Variants in MYT1L observed in about 807,000 individuals in gnomAD.
MYT1L encodes the protein myelin transcription factor 1-like protein.
Under a neutral mutation model 126.7 loss-of-function variants are expected in MYT1L, and 12 were observed. The ratio of observed to expected loss-of-function variants is 0.09; its 90% CI spans 0.06 to 0.15. MYT1L has a LOEUF of 0.15. Ranked by LOEUF, MYT1L falls within the 10% of genes least tolerant of loss-of-function variation. The pLI is 1.00. For missense variants in MYT1L, 979 were observed against 1,585.2 expected, an observed-to-expected ratio of 0.62 and a Z score of 6.49; for synonymous variants, 541 against 604.2, an observed-to-expected ratio of 0.90 and a Z score of 1.53.
chr2:1,858,919 G>A (rs1288664194), intron 18 of MYT1L, among the ~76,000 whole-genome samples: 2 of 152,206 alleles, frequency 1.3e-5, no homozygotes, highest in African/African-American at 2.4e-5. Context: ...CCTGCCCGGT[G>A]CCCTCTCCGA....
At chr2:2,005,296 GTTCTTTCCTGCGTGCC>G (rs1410571881) in intron 4 of MYT1L, among the ~76,000 whole-genome samples, 14 of 95,632 alleles carry the variant, frequency 1.5e-4, no homozygotes, top group East Asian at 1.4e-3. Context: ...TCCTGCAGGC[GTTCTTTCCTGCGTGCC>G]TTCTTTCCTG....
At chr2:2,266,789 C>T (rs894443254) in intron 2 of MYT1L, among the ~76,000 whole-genome samples, 6 of 152,132 alleles carry the variant, frequency 3.9e-5, no homozygotes, top group Non-Finnish European at 8.8e-5. Context: ...TGAGATCTCA[C>T]GGTTTTATAA....
At chr2:1,986,553 G>A (rs1334159167) in intron 5 of MYT1L, among the ~76,000 whole-genome samples, 3 of 152,224 alleles carry the variant, frequency 2.0e-5, no homozygotes, top group Non-Finnish European at 4.4e-5. Flanking sequence ...GGTAATCGAG[G>A]CAGTGGTGAT....
At chr2:1,867,041 G>T (rs2045666462) in intron 18 of MYT1L, among the ~76,000 whole-genome samples, 1 of 135,944 alleles carries the variant, frequency 7.4e-6, no homozygotes, top group Admixed American at 7.3e-5. Flanking sequence ...GAGAGGGGCA[G>T]CCAGGGAGAG....
chr2:1,965,983 A>G (rs4853816), intron 8 of MYT1L, among the ~76,000 whole-genome samples: 37,882 of 152,256 alleles, frequency 0.25, 5,610 homozygotes, highest in African/African-American at 0.42. Context: ...ACGACGCCCT[A>G]GGGCCTGCAC....
chr2:1,989,882 C>A (rs562728837), intron 5 of MYT1L, among the ~76,000 whole-genome samples: 26 of 152,234 alleles, frequency 1.7e-4, no homozygotes, highest in African/African-American at 6.3e-4. Flanking sequence ...TCTGTAATCC[C>A]AGCTACTCTG....
intron 4 of MYT1L, among the ~76,000 whole-genome samples, chr2:2,004,826 G>GAATA: frequency 6.7e-6 from 1 of 149,714 alleles, no homozygotes; most frequent in Middle Eastern, 3.6e-3. Flanking sequence ...ATTCTTTCCT[G>GAATA]CATGTGTTCT....
intron 10 of MYT1L, among the ~76,000 whole-genome samples, chr2:1,920,777 C>T (rs1181401772): frequency 6.6e-6 from 1 of 152,194 alleles, no homozygotes. Flanking sequence ...AACATGCATG[C>T]TATGTTCCGT....
At chr2:2,225,364 C>T (rs1282201101) in intron 2 of MYT1L, among the ~76,000 whole-genome samples, 7 of 152,178 alleles carry the variant, frequency 4.6e-5, no homozygotes, top group Non-Finnish European at 1.0e-4. Context: ...GGGACATCTT[C>T]AGCTTTTGAA....
chr2:1,859,708 C>T (rs896313479), intron 18 of MYT1L, among the ~76,000 whole-genome samples: 11 of 152,364 alleles, frequency 7.2e-5, no homozygotes, highest in East Asian at 3.9e-4. Context: ...CCGTGGCTTG[C>T]GGCTCCAGTG....
intron 21 of MYT1L, chr2:1,827,455 C>A (rs2148225396): frequency 6.6e-6 from 1 of 152,296 alleles, no homozygotes; most frequent in South Asian, 2.1e-4. Context: ...CTCATTCCCG[C>A]CACCCTCTGC....
intron 3 of MYT1L, among the ~76,000 whole-genome samples, chr2:2,144,222 C>T (rs1171802846): frequency 6.6e-6 from 1 of 152,150 alleles, no homozygotes; most frequent in Non-Finnish European, 1.5e-5. Flanking sequence ...GTCCCCCTCC[C>T]TCCTGCTCTG....
At chr2:2,200,468 C>G (rs1488574974) in intron 2 of MYT1L, among the ~76,000 whole-genome samples, 2 of 152,032 alleles carry the variant, frequency 1.3e-5, no homozygotes, top group Non-Finnish European at 2.9e-5. Context: ...ACATCTGTCT[C>G]CATGACCACG....
At chr2:2,210,259 C>T (rs889123865) in intron 2 of MYT1L, among the ~76,000 whole-genome samples, 2 of 152,046 alleles carry the variant, frequency 1.3e-5, no homozygotes, top group East Asian at 1.9e-4. Context: ...GATATGATCC[C>T]ATTTGTCGAT....
intron 2 of MYT1L, among the ~76,000 whole-genome samples, chr2:2,184,253 A>G (rs1168976620): frequency 6.6e-6 from 1 of 152,216 alleles, no homozygotes; most frequent in Admixed American, 6.5e-5. Context: ...ATTCTTATTA[A>G]TGACATACAA....
At chr2:2,060,523 A>G (rs2070268970) in intron 3 of MYT1L, among the ~76,000 whole-genome samples, 1 of 152,232 alleles carries the variant, frequency 6.6e-6, no homozygotes, top group Non-Finnish European at 1.5e-5. Flanking sequence ...AGACAGACTG[A>G]AATTTAATGA....
rs973619177 is a variant in MYT1L at position 1,806,558 on chromosome 2, C to T, written c.3172+2518G>A. On this transcript the variant is annotated intron_variant, in intron 22 of 24. Transcript: ENST00000647738. The surrounding 1 kb of genome is among the most constrained non-coding windows in gnomAD (Gnocchi z 4.9). ...TCACAGACCAACTGCTTATCTTTAT[C>T]CCTCCGAGTTAGCACCTGTTTTTGT... is the stretch of plus-strand genomic sequence containing the variant. 2.0e-5 allele frequency among the ~76,000 whole-genome samples: 3 copies of T among 152,156 alleles called. No homozygotes were observed. Among genetic ancestry groups the T allele is most frequent in the Non-Finnish European group, 4.4e-5 (3 of 68,032 alleles).
At chr2:2,275,258 T>A (rs941939538) in intron 2 of MYT1L, among the ~76,000 whole-genome samples, 5 of 147,156 alleles carry the variant, frequency 3.4e-5, no homozygotes, top group Non-Finnish European at 6.0e-5. Flanking sequence ...ATGCCTGTTA[T>A]AGCAGTCATG....
chr2:2,062,088 C>T (rs928720283), intron 3 of MYT1L, among the ~76,000 whole-genome samples: 4 of 152,198 alleles, frequency 2.6e-5, no homozygotes, highest in South Asian at 2.1e-4. Flanking sequence ...TGCACTAATG[C>T]GCTCCACGCC....
Sources: gnomAD v4.1 joint callset for allele counts (sites outside exome capture counted in the v4.1 genomes callset) on GRCh38, gnomAD v4.1.1 for gene constraint, Gnocchi (gnomAD v3.1) non-coding constraint, MANE v1.5 for transcripts, NCBI Gene and HGNC (gene_info 2026-07-23, HGNC 2026-07-21) for gene names.